Variants in BPTF observed in about 807,000 individuals in gnomAD.
The protein encoded by BPTF is nucleosome-remodeling factor subunit BPTF.
Under a neutral mutation model 292.5 loss-of-function variants are expected in BPTF, and 18 were observed. The observed-to-expected ratio is 0.06, with a 90% CI of 0.04 to 0.09. The LOEUF is 0.09. BPTF is among the 10% of genes least tolerant of loss of function. The pLI is 1.00. For synonymous variants in BPTF, 1,225 were observed against 1,251.9 expected (o/e 0.98, Z 0.45); for missense variants, 2,726 against 3,498.7 (o/e 0.78, Z 5.57).
At chr17:67,842,580 T>A (rs2057643913) in intron 1 of BPTF, among the ~76,000 whole-genome samples, 1 of 152,170 alleles carries the variant, frequency 6.6e-6, no homozygotes. Flanking sequence ...TATAAAAGTT[T>A]AGGTTCAAAG....
chr17:67,879,203 G>A (rs1431457591), intron 4 of BPTF, among the ~76,000 whole-genome samples: 1 of 148,522 alleles, frequency 6.7e-6, no homozygotes, highest in Non-Finnish European at 1.5e-5. Flanking sequence ...GTACAGTGGT[G>A]CGATCTCGGC....
At position 67,866,521 on chromosome 17, in the gene BPTF, C is replaced by A; in HGVS notation, c.1494C>A (p.Val498=). ...EKKIWYYSTK[V]QLAELIDCLD... ...AAATTTGGTATTACAGCACAAAGGT[C>A]CAACTTGCAGAATTAATTGACTGTC... Residue 498 remains valine (V), a synonymous_variant, in exon 3 of 28, where the codon GTC becomes GTA. Coordinates refer to ENST00000306378, the MANE Select transcript of BPTF (RefSeq NM_182641.4). The A allele has an allele frequency of 6.2e-7, 1 of 1,613,954 alleles. No individual in the cohort carries two copies. Among genetic ancestry groups the A allele is most frequent in the South Asian group, 1.1e-5 (1 of 91,066 alleles).
chr17:67,889,857 A>G (rs1427697739), intron 4 of BPTF, among the ~76,000 whole-genome samples: 1 of 151,984 alleles, frequency 6.6e-6, no homozygotes, highest in Non-Finnish European at 1.5e-5. Context: ...GAGAAAATTG[A>G]TAGTCTGACC....
chr17:67,841,210 C>T lies in BPTF; in HGVS notation c.614-12730C>T, dbSNP rs1305714645. Reference sequence around the variant, plus strand: ...ATCACCTGAGGTTGGGAGTTTGAGACTAGCCTGACCAACATGGCGAAACCC... The same window carrying T: ...ATCACCTGAGGTTGGGAGTTTGAGATTAGCCTGACCAACATGGCGAAACCC... On this transcript the variant is annotated intron_variant, in intron 1 of 27. Coordinates refer to ENST00000306378, the MANE Select transcript of BPTF (RefSeq NM_182641.4). Among the ~76,000 whole-genome samples the T allele has an allele frequency of 8.6e-5, 13 of 151,996 alleles. 1 individual carries two copies. The South Asian group carries it at 1.2e-3, about 15-fold the overall frequency.
intron 1 of BPTF, among the ~76,000 whole-genome samples, chr17:67,830,675 T>G (rs889190825): frequency 1.3e-5 from 2 of 152,016 alleles, no homozygotes; most frequent in African/African-American, 4.8e-5. Context: ...CAGGCACTGA[T>G]AGTAAAGTGT....
intron 1 of BPTF, among the ~76,000 whole-genome samples, chr17:67,837,256 T>C (rs1348618692): frequency 6.6e-6 from 1 of 152,208 alleles, no homozygotes; most frequent in African/African-American, 2.4e-5. Context: ...GTGCTAGAGA[T>C]GTACCTTTAG....
Position 67,940,562 on chromosome 17 carries a change from C to T in BPTF, c.6383C>T (p.Ser2128Leu). The change falls in exon 19 of 28, where the codon TCA becomes TTA. Residue 2128 changes from serine (S) to leucine (L), a missense_variant. Physicochemically the swap from Ser to Leu is moderately radical, Grantham distance 145. Around this residue, in one of 22 missense-constraint regions of BPTF, gnomAD observed 570 missense variants for 633.5 expected, o/e 0.90. Coordinates refer to ENST00000306378, the MANE Select transcript of BPTF (RefSeq NM_182641.4). ...AGCTTAACTTCAGCAACGTCCACTTCAAATATACAGTCTTCAGCCTCACAA... is the reference window on the plus strand; with the variant it reads ...AGCTTAACTTCAGCAACGTCCACTTTAAATATACAGTCTTCAGCCTCACAA... Reference protein sequence around the residue: ...QKSLTSATSTSNIQSSASQPP... With the variant: ...QKSLTSATSTLNIQSSASQPP... 1 of 1,614,108 alleles carries T rather than the reference C, an allele frequency of 6.2e-7. No homozygotes were observed. Among genetic ancestry groups the T allele is most frequent in the Non-Finnish European group, 8.5e-7 (1 of 1,180,026 alleles).
rs575930150 is a variant in BPTF at position 67,959,265 on chromosome 17, G to A, written c.7927-276G>A. ...GGGACAGGGGCAAGCCAGGAGGGAC[G>A]CTCTTCCTAGCCACTTGGCTCATCT... is the stretch of plus-strand genomic sequence containing the variant. On this transcript the variant is annotated intron_variant, in intron 23 of 27. Transcript: ENST00000306378. 3.3e-4 allele frequency among the ~76,000 whole-genome samples: 51 copies of A among 152,312 alleles called. No homozygotes were observed. In the South Asian group the frequency reaches 7.3e-3, roughly 22 times the overall value.
In BPTF at chr17:67,866,609, C is replaced by T. The variant is rs755063081; in HGVS notation, c.1582C>T (p.His528Tyr). 2.4e-5 allele frequency: 38 copies of T among 1,613,838 alleles called. No homozygotes were observed. In the East Asian group the frequency reaches 8.5e-4, roughly 36 times the overall value. The change falls in exon 3 of 28, where the codon CAC becomes TAC. Residue 528 changes from histidine (H) to tyrosine (Y), a missense_variant. This residue lies in a region of BPTF where 187 missense variants were observed against 201.5 expected (regional missense o/e 0.93). Transcript: ENST00000306378. ...KILEEMREEI[H>Y]RHMDITEDLT... ...TCTAGAAGAAATGCGTGAAGAAATC[C>T]ACCGACACATGGACATAACTGAAGA...
chr17:67,966,070 A>T (rs539607353), intron 25 of BPTF: 1 of 155,614 alleles, frequency 6.4e-6, no homozygotes, highest in African/African-American at 2.4e-5. Context: ...AGTGGGGGGA[A>T]ATAAAAGGAT....
At chr17:67,904,895 T>C (rs2062071396) in intron 9 of BPTF, 55 bp downstream of exon 9, 23 of 1,387,740 alleles carry the variant, frequency 1.7e-5, no homozygotes, top group Non-Finnish European at 2.2e-5. Context: ...ATATTTCTTA[T>C]AAATTTGTAG....
intron 27 of BPTF, among the ~76,000 whole-genome samples, chr17:67,981,159 A>G (rs1555696461): frequency 6.6e-6 from 1 of 151,742 alleles, no homozygotes; most frequent in African/African-American, 2.4e-5. Context: ...ACCTTGTTTC[A>G]AAACAAAACA....
intron 18 of BPTF, 42 bp downstream of exon 18, chr17:67,932,061 C>T (rs2064440274): frequency 6.6e-7 from 1 of 1,517,816 alleles, no homozygotes; most frequent in Non-Finnish European, 9.1e-7. Flanking sequence ...TCTCAACAGC[C>T]AGTCTAGGAA....
chr17:67,982,424 C>A lies in BPTF; in HGVS notation c.*136C>A. ...TAAACTTCGTTTTTATTGGTCATAACAGTCCAATTATATTCTTGGCCAATT... is the reference window on the plus strand; with the variant it reads ...TAAACTTCGTTTTTATTGGTCATAAAAGTCCAATTATATTCTTGGCCAATT... On this transcript the variant is annotated 3_prime_UTR_variant, in exon 28 of 28. Coordinates refer to ENST00000306378, the MANE Select transcript of BPTF (RefSeq NM_182641.4). 1.4e-6 allele frequency: 1 copy of A among 717,510 alleles called. No individual in the cohort carries two copies. Among genetic ancestry groups the A allele is most frequent in the Non-Finnish European group, 2.2e-6 (1 of 455,394 alleles). 44.4% of individuals were successfully genotyped at this position (717,510 alleles called of 1,614,324 possible). A position where few individuals can be genotyped will look rare whatever the true frequency, so the allele number is the denominator to read the frequency against.
At chr17:67,892,228 A>G (rs1277912203) in intron 5 of BPTF, among the ~76,000 whole-genome samples, 194 bp downstream of exon 5, 1 of 152,218 alleles carries the variant, frequency 6.6e-6, no homozygotes, top group Non-Finnish European at 1.5e-5. Flanking sequence ...GCGTACCCAA[A>G]TTTCAGTCAA....
chr17:67,904,753 A>T lies in BPTF; in HGVS notation c.2725A>T (p.Ser909Cys). The change falls in exon 9 of 28, where the codon AGC (serine) becomes TGC (cysteine). Residue 909 changes from serine to cysteine, a missense_variant. Ser to Cys is a moderately radical substitution (Grantham distance 112). Around this residue, in one of 22 missense-constraint regions of BPTF, gnomAD observed 99 missense variants for 227.1 expected, o/e 0.44. Transcript: ENST00000306378. ...EYRVTGYGGW[S>C]WISKTHVYRF... ...CAGAGTGACAGGATATGGTGGTTGG[A>T]GCTGGATTAGTAAAACTCATGTTTA... The T allele has an allele frequency of 6.2e-7, 1 of 1,613,222 alleles. No homozygotes were observed. The highest frequency in any genetic ancestry group is 1.1e-5 in the South Asian group (1 of 91,032).
rs2065788785 is a variant in BPTF, at chr17:67,946,054, A to T, written c.7346A>T (p.Gln2449Leu). 6.2e-7 allele frequency: 1 copy of T among 1,614,230 alleles called. No individual in the cohort carries two copies. The highest frequency in any genetic ancestry group is 1.7e-5 in the Admixed American group (1 of 60,024). Residue 2449 changes from glutamine to leucine, a missense_variant, in exon 21 of 28, where the codon CAG (glutamine) becomes CTG (leucine). By Grantham distance (113) the Gln-to-Leu change is moderately radical. This residue lies in a region of BPTF where 570 missense variants were observed against 633.5 expected (regional missense o/e 0.90). Coordinates refer to ENST00000306378, the MANE Select transcript of BPTF (RefSeq NM_182641.4). ...QQQVQVLSQI[Q>L]SQVVAQIQAQ... Reference sequence around the variant, plus strand: ...CAAGTCCAGGTTCTCTCTCAGATCCAGTCACAGGTTGTGGCTCAGATACAG... The same window carrying T: ...CAAGTCCAGGTTCTCTCTCAGATCCTGTCACAGGTTGTGGCTCAGATACAG...
chr17:67,926,534 C>T (rs1462636725), intron 15 of BPTF, among the ~76,000 whole-genome samples: 1 of 151,628 alleles, frequency 6.6e-6, no homozygotes, highest in Non-Finnish European at 1.5e-5. Flanking sequence ...CTGTGTTAGC[C>T]AGGATGGTCT....
At position 67,826,012 on chromosome 17, in the gene BPTF, A is replaced by AGGCGGGGGCGGCAGGACGGGG. The variant is rs1191425534; in HGVS notation, c.301_321dup (p.Arg101_Gly107dup). On this transcript the variant is annotated inframe_insertion, in exon 1 of 28. Transcript: ENST00000306378. ...GCGCCCCGGGCCGGGGGGGGCGAGG[A>AGGCGGGGGCGGCAGGACGGGG]GGCGGGGGCGGCAGGACGGGGGGCG... The AGGCGGGGGCGGCAGGACGGGG allele has an allele frequency of 9.8e-6, 8 of 820,006 alleles. No homozygotes were observed. The highest frequency in any genetic ancestry group is 4.0e-5 in the East Asian group (1 of 25,118). The allele number at this position is 820,006 out of a possible 1,614,324, so 50.8% of individuals were successfully genotyped here.
Sources: allele counts gnomAD v4.1 joint callset (sites outside exome capture counted in the v4.1 genomes callset), GRCh38; gene constraint gnomAD v4.1.1; regional missense constraint gnomAD v4.1.1; transcripts MANE v1.5; gene names NCBI Gene and HGNC (gene_info 2026-07-23, HGNC 2026-07-21).